Variants in REPS1 observed in about 807,000 individuals in gnomAD.
REPS1 encodes the protein ralBP1-associated Eps domain-containing protein 1.
A neutral mutation model predicts 100.9 loss-of-function variants in REPS1; 39 were observed. The ratio of observed to expected loss-of-function variants is 0.39; its 90% CI spans 0.30 to 0.50. The LOEUF is 0.50. REPS1 is among the 20% of genes least tolerant of loss of function. The pLI, the probability that REPS1 is intolerant of heterozygous loss-of-function variation, is 0.86. For synonymous variants in REPS1, 324 were observed against 340.3 expected (o/e 0.95, Z 0.53); for missense variants, 821 against 968.5 (o/e 0.85, Z 2.02).
intron 7 of REPS1, among the ~76,000 whole-genome samples, chr6:138,943,104 C>T (rs1393972508): frequency 2.0e-5 from 3 of 152,166 alleles, no homozygotes; most frequent in Non-Finnish European, 2.9e-5. Context: ...ATAGCCAATT[C>T]GAACCATATT....
At chr6:138,959,009 T>C (rs2128490694) in intron 1 of REPS1, among the ~76,000 whole-genome samples, 1 of 152,314 alleles carries the variant, frequency 6.6e-6, no homozygotes, top group East Asian at 1.9e-4. Flanking sequence ...GCAACTTGCC[T>C]AAGGCCAGAG....
chr6:138,933,031 A>T (rs1020887027), intron 8 of REPS1, among the ~76,000 whole-genome samples: 1 of 152,232 alleles, frequency 6.6e-6, no homozygotes, highest in Non-Finnish European at 1.5e-5. Flanking sequence ...TAACTCAATG[A>T]ACTGATATTT....
Position 138,926,447 on chromosome 6 carries a change from G to A in REPS1, c.1292C>T (p.Ser431Leu). 1 of 1,613,030 alleles carries A rather than the reference G, an allele frequency of 6.2e-7. No homozygotes were observed. Among genetic ancestry groups the A allele is most frequent in the Non-Finnish European group, 8.5e-7 (1 of 1,179,452 alleles). ...WETFSERSSS[S>L]QTLTQFDSNI... is the part of the protein sequence containing the mutation. ...AGAATCAAATTGGGTCAGAGTTTGTGAGCTTGAAGAGCGTTCACTAAATGT... is the reference window on the plus strand; with the variant it reads ...AGAATCAAATTGGGTCAGAGTTTGTAAGCTTGAAGAGCGTTCACTAAATGT... The change falls in exon 10 of 20, where the codon TCA becomes TTA. Residue 431 changes from serine (S) to leucine (L), a missense_variant. Ser to Leu is a moderately radical substitution (Grantham distance 145, BLOSUM62 -2). Coordinates refer to ENST00000450536, the MANE Select transcript of REPS1 (RefSeq NM_001286611.2).
intron 2 of REPS1, among the ~76,000 whole-genome samples, chr6:138,947,031 C>T (rs1441556745): frequency 1.5e-4 from 16 of 103,938 alleles, no homozygotes; most frequent in African/African-American, 6.0e-4. Context: ...GGCTATTCCC[C>T]CTTGCTCTCT....
intron 9 of REPS1, chr6:138,928,557 A>G (rs1020541189): frequency 3.9e-5 from 6 of 152,298 alleles, no homozygotes; most frequent in Admixed American, 3.3e-4. Flanking sequence ...CTTTATGGGA[A>G]TATTTAAGTA....
intron 1 of REPS1, among the ~76,000 whole-genome samples, chr6:138,987,163 C>G (rs916393977): frequency 6.6e-6 from 1 of 152,236 alleles, no homozygotes; most frequent in African/African-American, 2.4e-5. Context: ...GATAACTTTA[C>G]TACTCTGCAG....
At chr6:138,944,110 C>T (rs909374218) in intron 5 of REPS1, 95 bp from the exon 6 acceptor site, 3 of 1,173,122 alleles carry the variant, frequency 2.6e-6, no homozygotes, top group African/African-American at 3.1e-5. Context: ...GTAAAACTTG[C>T]TTTTTGTGTA....
chr6:138,959,413 T>C (rs78364003), intron 1 of REPS1, among the ~76,000 whole-genome samples: 3,696 of 152,282 alleles, frequency 0.024, 161 homozygotes, highest in African/African-American at 0.084. Flanking sequence ...ATTGGAACTA[T>C]ACACAATACT....
intron 12 of REPS1, 36 bp from the exon 13 acceptor site, chr6:138,917,663 A>G (rs1417715878): frequency 6.5e-7 from 1 of 1,546,718 alleles, no homozygotes. Flanking sequence ...AATAATAATC[A>G]TTTCTTTACT....
chr6:138,938,704 A>G (rs1331345104), intron 8 of REPS1, among the ~76,000 whole-genome samples: 2 of 152,178 alleles, frequency 1.3e-5, no homozygotes, highest in African/African-American at 2.4e-5. Flanking sequence ...GCTATGAGAG[A>G]TCAGAAATGA....
chr6:138,911,568 G>A (rs1051089901), intron 16 of REPS1, among the ~76,000 whole-genome samples, 197 bp from the exon 17 acceptor site: 1 of 152,234 alleles, frequency 6.6e-6, no homozygotes, highest in Non-Finnish European at 1.5e-5. Context: ...GGTAATAGAT[G>A]TGTGAGGGAG....
rs6149828 is a variant in REPS1, at chr6:138,907,313, A to AGTGT, written c.2322+178_2322+181dup. On this transcript the variant is annotated intron_variant, in intron 19 of 19. Coordinates refer to ENST00000450536, the MANE Select transcript of REPS1 (RefSeq NM_001286611.2). ...GTGTCTCTTTAAAAAAAAAAAAAAAAGTGTGTGTGTGTGTGTGTGTGTGTG... is the reference window on the plus strand; with the variant it reads ...GTGTCTCTTTAAAAAAAAAAAAAAAAGTGTGTGTGTGTGTGTGTGTGTGTGTGTG... 325 of 135,384 alleles carry AGTGT rather than the reference A, an allele frequency of 2.4e-3. 1 individual carries two copies. Among genetic ancestry groups the AGTGT allele is most frequent in the African/African-American group, 8.5e-3 (249 of 29,318 alleles). The allele number at this position is 135,384 out of a possible 1,614,324, so 8.4% of individuals were successfully genotyped here.
At chr6:138,966,924 C>G (rs767610869) in intron 1 of REPS1, among the ~76,000 whole-genome samples, 2 of 152,178 alleles carry the variant, frequency 1.3e-5, no homozygotes, top group South Asian at 2.1e-4. Flanking sequence ...TTTGAAGATA[C>G]GCTTTAAACC....
intron 8 of REPS1, among the ~76,000 whole-genome samples, chr6:138,935,031 T>C (rs1310050711): frequency 2.0e-5 from 3 of 152,238 alleles, no homozygotes; most frequent in African/African-American, 4.8e-5. Context: ...TGTTTTTTCT[T>C]GAATGATATT....
chr6:138,987,729 G>T lies in REPS1; in HGVS notation c.-47C>A. 3 of 1,469,076 alleles carry T rather than the reference G, an allele frequency of 2.0e-6. No homozygotes were observed. Among genetic ancestry groups the T allele is most frequent in the Non-Finnish European group, 2.7e-6 (3 of 1,107,414 alleles). 91.0% of individuals were successfully genotyped at this position (1,469,076 alleles called of 1,614,324 possible). On this transcript the variant is annotated 5_prime_UTR_variant, in exon 1 of 20. Coordinates refer to ENST00000450536, the MANE Select transcript of REPS1 (RefSeq NM_001286611.2). The stretch of plus-strand genomic sequence containing the variant: ...GCCCCGCCCCGCATGCACTACTCGG[G>T]GCCCGGCCCCAGGAACCTGGGCCGG...
intron 1 of REPS1, among the ~76,000 whole-genome samples, chr6:138,965,567 T>C (rs1783973685): frequency 6.6e-6 from 1 of 152,198 alleles, no homozygotes; most frequent in Non-Finnish European, 1.5e-5. Flanking sequence ...TCATAAAATT[T>C]ACATCCAAAC....
intron 1 of REPS1, among the ~76,000 whole-genome samples, chr6:138,986,005 T>C (rs1179726864): frequency 6.6e-6 from 1 of 152,232 alleles, no homozygotes; most frequent in African/African-American, 2.4e-5. Context: ...GTATGATTAA[T>C]GAGCATGTTC....
intron 1 of REPS1, among the ~76,000 whole-genome samples, chr6:138,958,146 T>A (rs1783516473): frequency 6.6e-6 from 1 of 152,216 alleles, no homozygotes; most frequent in African/African-American, 2.4e-5. Flanking sequence ...CTTCATTTAC[T>A]TTCTATATTT....
At chr6:138,986,720 A>G (rs1036515472) in intron 1 of REPS1, among the ~76,000 whole-genome samples, 1 of 152,206 alleles carries the variant, frequency 6.6e-6, no homozygotes, top group African/African-American at 2.4e-5. Flanking sequence ...ACAGAGTAGC[A>G]TTAATGCTCA....
Sources: allele counts gnomAD v4.1 joint callset (sites outside exome capture counted in the v4.1 genomes callset), GRCh38; gene constraint gnomAD v4.1.1; transcripts MANE v1.5; gene names NCBI Gene and HGNC (gene_info 2026-07-23, HGNC 2026-07-21).